Variants in IPO5 observed in about 807,000 individuals in gnomAD.
IPO5 encodes the protein importin 5, also known as importin-5.
A neutral mutation model predicts 143.3 loss-of-function variants in IPO5; 18 were observed. The observed-to-expected ratio is 0.13, with a 90% CI of 0.09 to 0.19. IPO5 has a LOEUF of 0.19. Ranked by LOEUF, IPO5 falls within the 10% of genes least tolerant of loss-of-function variation. IPO5 has a pLI of 1.00. For synonymous variants in IPO5, 477 were observed against 465.7 expected (o/e 1.02, Z -0.31); for missense variants, 1,013 against 1,336.9 (o/e 0.76, Z 3.78).
At chr13:97,978,563 A>G (rs766407903) in intron 4 of IPO5, among the ~76,000 whole-genome samples, 12 of 152,136 alleles carry the variant, frequency 7.9e-5, no homozygotes, top group African/African-American at 2.2e-4. Flanking sequence ...TGGGGATATG[A>G]TGATGCTTTA....
intron 11 of IPO5, among the ~76,000 whole-genome samples, chr13:97,994,329 A>G (rs1198253902): frequency 6.6e-6 from 1 of 152,190 alleles, no homozygotes; most frequent in Non-Finnish European, 1.5e-5. Context: ...TTAGAAAACA[A>G]AAATATTGCT....
chr13:98,023,257 C>T lies in IPO5; in HGVS notation c.*1435C>T, dbSNP rs1223225718. 1 of 152,222 alleles carries T rather than the reference C, an allele frequency of 6.6e-6. No homozygotes were observed. Among genetic ancestry groups the T allele is most frequent in the Non-Finnish European group, 1.5e-5 (1 of 68,042 alleles). 9.4% of individuals were successfully genotyped at this position (152,222 alleles called of 1,614,324 possible). ...GCAGCATATTAAATGACTCCACCTG[C>T]GCAGTCCTTGTGTTCAGTGGATGAA... On this transcript the variant is annotated 3_prime_UTR_variant, in exon 29 of 29. Transcript: ENST00000651721.
rs968426010 is a variant in IPO5, at chr13:97,976,029, T to C, written c.-4-664T>C. The C allele has an allele frequency of 1.6e-5, 14 of 884,622 alleles. No individual in the cohort carries two copies. The African/African-American group carries it at 2.5e-4, about 16-fold the overall frequency. 54.8% of individuals were successfully genotyped at this position (884,622 alleles called of 1,614,324 possible). On this transcript the variant is annotated intron_variant, in intron 3 of 28. Transcript: ENST00000651721. ...AGGAAGTGGGTCTAAAGGGACTGCC[T>C]TCCTGGGGGTGGGTGAAGGGCTGGA... is the stretch of plus-strand genomic sequence containing the variant.
chr13:97,979,699 A>T lies in IPO5; in HGVS notation c.91-2804A>T, dbSNP rs142882707. 2.7e-3 allele frequency among the ~76,000 whole-genome samples: 410 copies of T among 152,264 alleles called. 4 individuals are homozygous for T. Among genetic ancestry groups the T allele is most frequent in the African/African-American group, 9.2e-3 (384 of 41,546 alleles). ...CTCATTGACTCTAATAGAGAATTTC[A>T]TTGAGTGTTTTTTGTAGAGACAGGG... On this transcript the variant is annotated intron_variant, in intron 4 of 28. Coordinates refer to ENST00000651721, the MANE Select transcript of IPO5 (RefSeq NM_002271.6).
chr13:98,006,355 AATTTTTTTTTT>A lies in IPO5; in HGVS notation c.1716+8_1716+18del. 3 of 705,418 alleles carry A rather than the reference AATTTTTTTTTT, an allele frequency of 4.3e-6. No homozygotes were observed. Among genetic ancestry groups the A allele is most frequent in the South Asian group, 2.2e-5 (1 of 46,348 alleles). 43.7% of individuals were successfully genotyped at this position (705,418 alleles called of 1,614,324 possible). On this transcript the variant is annotated splice_region_variant and intron_variant, in intron 17 of 28. Coordinates refer to ENST00000651721, the MANE Select transcript of IPO5 (RefSeq NM_002271.6). ...GGCTGTTGGGAAGGAAAAAGTAAGT[AATTTTTTTTTT>A]TTTTTTTTTTTTTTTTTTTTTTTTT...
In IPO5 at chr13:98,021,830, T is replaced by A. The variant is rs765604605; in HGVS notation, c.*8T>A. On this transcript the variant is annotated 3_prime_UTR_variant, in exon 29 of 29. Transcript: ENST00000651721. ...CTCCTGAACTCTGCGTGAAGGGCCTTAATGTCACCCACCAGAAAACTAACT... is the reference window on the plus strand; with the variant it reads ...CTCCTGAACTCTGCGTGAAGGGCCTAAATGTCACCCACCAGAAAACTAACT... The A allele has an allele frequency of 6.3e-7, 1 of 1,585,834 alleles. No homozygotes were observed. The highest frequency in any genetic ancestry group is 8.6e-7 in the Non-Finnish European group (1 of 1,157,746).
intron 3 of IPO5, 36 bp from the exon 4 acceptor site, chr13:97,976,657 T>C: frequency 2.8e-6 from 3 of 1,073,376 alleles, no homozygotes; most frequent in Non-Finnish European, 3.7e-6. Flanking sequence ...GCCTCACGGC[T>C]CCTGTCTCCC....
rs558164218 is a variant in IPO5, at chr13:98,000,768, A to G, written c.1108+123A>G. ...CTTTTTATCATCCATATTTAACCCA[A>G]TTCATTTATTTTACCGATAAAATTG... On this transcript the variant is annotated intron_variant, in intron 13 of 28. Transcript: ENST00000651721. 6.1e-6 allele frequency: 4 copies of G among 653,098 alleles called. 1 individual carries two copies. The highest frequency in any genetic ancestry group is 6.0e-5 in the South Asian group (3 of 50,128). The allele number at this position is 653,098 out of a possible 1,614,324, so 40.5% of individuals were successfully genotyped here.
At chr13:98,010,285 T>A in intron 20 of IPO5, 61 bp downstream of exon 20, 1 of 1,440,618 alleles carries the variant, frequency 6.9e-7, no homozygotes, top group East Asian at 2.3e-5. Context: ...TTCATATGAG[T>A]GCTTTTAATA....
At position 98,008,110 on chromosome 13, in the gene IPO5, G is replaced by C; in HGVS notation, c.1768G>C (p.Asp590His). 1 of 1,611,324 alleles carries C rather than the reference G, an allele frequency of 6.2e-7. No homozygotes were observed. The highest frequency in any genetic ancestry group is 1.1e-5 in the South Asian group (1 of 91,010). The stretch of plus-strand genomic sequence containing the variant: ...GCAGCTTTTGTTAAAGACCCAGACA[G>C]ACTTCAATGATATGGAAGATGATGA... ...VMQLLLKTQT[D>H]FNDMEDDDPQ... is the part of the protein sequence containing the mutation. The change falls in exon 18 of 29, where the codon GAC (aspartate) becomes CAC (histidine). Residue 590 changes from aspartate to histidine, a missense_variant. By Grantham distance (81) the Asp-to-His change is moderately conservative. Around this residue, in one of 2 missense-constraint regions of IPO5, gnomAD observed 685 missense variants for 994.9 expected, o/e 0.69. Coordinates refer to ENST00000651721, the MANE Select transcript of IPO5 (RefSeq NM_002271.6).
intron 3 of IPO5, among the ~76,000 whole-genome samples, chr13:97,971,361 T>G (rs967992554): frequency 5.3e-5 from 8 of 152,346 alleles, no homozygotes; most frequent in Non-Finnish European, 8.8e-5. Flanking sequence ...GAGCAGGAAC[T>G]TGAAAGTTTT....
At chr13:97,956,301 G>T (rs1225394823) in intron 2 of IPO5, among the ~76,000 whole-genome samples, 1 of 152,112 alleles carries the variant, frequency 6.6e-6, no homozygotes, top group Non-Finnish European at 1.5e-5. Flanking sequence ...ATAAAGCATA[G>T]AAGGTTATCC....
chr13:97,978,584 T>A (rs1047401797), intron 4 of IPO5, among the ~76,000 whole-genome samples: 2 of 152,214 alleles, frequency 1.3e-5, no homozygotes, highest in East Asian at 1.9e-4. Context: ...AAAAAAAAAA[T>A]TAATGCTTTC....
Position 98,000,641 on chromosome 13 carries a change from A to C in IPO5, c.1104A>C (p.Gln368His). 1 of 1,609,722 alleles carries C rather than the reference A, an allele frequency of 6.2e-7. No individual in the cohort carries two copies. Among genetic ancestry groups the C allele is most frequent in the Non-Finnish European group, 8.5e-7 (1 of 1,175,988 alleles). ...MIKEHIMQML[Q>H]NPDWKYRHAG... Reference sequence around the variant, plus strand: ...AGGAACACATTATGCAAATGCTTCAAAATCGTAAGCTGTGTCCTTCAAATG... The same window carrying C: ...AGGAACACATTATGCAAATGCTTCACAATCGTAAGCTGTGTCCTTCAAATG... Residue 368 changes from glutamine (Q) to histidine (H), a missense_variant, in exon 13 of 29, where the codon CAA becomes CAC. By Grantham distance (24) the Gln-to-His change is conservative (BLOSUM62 0). Around this residue, in one of 2 missense-constraint regions of IPO5, gnomAD observed 685 missense variants for 994.9 expected, o/e 0.69. Transcript: ENST00000651721.
At chr13:97,961,505 C>A (rs1022987195) in intron 2 of IPO5, among the ~76,000 whole-genome samples, 1 of 152,152 alleles carries the variant, frequency 6.6e-6, no homozygotes, top group African/African-American at 2.4e-5. Flanking sequence ...CTTATTCAGA[C>A]TGTTTTCCAA....
chr13:97,955,292 T>C (rs1426288522), intron 2 of IPO5, among the ~76,000 whole-genome samples: 1 of 151,988 alleles, frequency 6.6e-6, no homozygotes, highest in African/African-American at 2.4e-5. Context: ...CATGCTACTC[T>C]ACAGGAAATA....
chr13:97,995,178 T>TC (rs1280657179), intron 11 of IPO5, among the ~76,000 whole-genome samples: 87 of 149,126 alleles, frequency 5.8e-4, no homozygotes, highest in African/African-American at 2.2e-3. Context: ...TTTCTTTCTT[T>TC]GTTTTTTTTT....
chr13:97,970,832 T>C (rs1452749113), intron 3 of IPO5, among the ~76,000 whole-genome samples: 1 of 152,116 alleles, frequency 6.6e-6, no homozygotes, highest in Non-Finnish European at 1.5e-5. Context: ...ACTTATATAA[T>C]GAGAATATAA....
At chr13:98,018,963 G>C (rs1890297146) in intron 26 of IPO5, among the ~76,000 whole-genome samples, 1 of 141,668 alleles carries the variant, frequency 7.1e-6, no homozygotes, top group East Asian at 2.0e-4. Context: ...AACAGCCTTA[G>C]AATAGGACTT....
Sources: allele counts gnomAD v4.1 joint callset (sites outside exome capture counted in the v4.1 genomes callset), GRCh38; gene constraint gnomAD v4.1.1; regional missense constraint gnomAD v4.1.1; transcripts MANE v1.5; gene names NCBI Gene and HGNC (gene_info 2026-07-23, HGNC 2026-07-21).